RB1: variants seen among roughly 807,000 people sequenced by gnomAD.
RB1 encodes the protein retinoblastoma-associated protein.
Under a neutral mutation model 135.4 loss-of-function variants are expected in RB1, and 18 were observed. The ratio of observed to expected loss-of-function variants is 0.13; its 90% CI spans 0.09 to 0.20. The LOEUF is 0.20. RB1 is among the 10% of genes least tolerant of loss of function. The pLI is 1.00. For synonymous variants in RB1, 365 were observed against 373.2 expected, an observed-to-expected ratio of 0.98 and a Z score of 0.25; for missense variants, 868 against 1,110.0, an observed-to-expected ratio of 0.78 and a Z score of 3.10.
intron 17 of RB1, among the ~76,000 whole-genome samples, chr13:48,452,491 C>T (rs1312894543): frequency 6.6e-6 from 1 of 151,988 alleles, no homozygotes; most frequent in African/African-American, 2.4e-5. Context: ...TAAAATTATT[C>T]ATAATAATTC....
At chr13:48,459,624 G>A in intron 19 of RB1, 64 bp from the exon 20 acceptor site, 7 of 1,563,490 alleles carry the variant, frequency 4.5e-6, no homozygotes, top group Non-Finnish European at 6.2e-6. Flanking sequence ...TTCATGATTT[G>A]AAAAAAATCT....
intron 17 of RB1, among the ~76,000 whole-genome samples, chr13:48,435,187 G>A (rs1196277240): frequency 6.6e-6 from 1 of 152,156 alleles, no homozygotes; most frequent in Non-Finnish European, 1.5e-5. Flanking sequence ...AGCAATATAC[G>A]AGTGAGTGAT....
At chr13:48,420,124 C>T (rs1393462679) in intron 17 of RB1, among the ~76,000 whole-genome samples, 6 of 152,198 alleles carry the variant, frequency 3.9e-5, no homozygotes, top group East Asian at 1.9e-4. Flanking sequence ...TGAATATCGA[C>T]GTGAAAACCC....
At chr13:48,382,972 T>C (rs998488315) in intron 17 of RB1, among the ~76,000 whole-genome samples, 4 of 152,168 alleles carry the variant, frequency 2.6e-5, no homozygotes, top group African/African-American at 4.8e-5. Flanking sequence ...CATTTCTTGT[T>C]TTTGTCAGGT....
intron 17 of RB1, among the ~76,000 whole-genome samples, chr13:48,386,712 C>T (rs1948573962): frequency 6.6e-6 from 1 of 152,146 alleles, no homozygotes; most frequent in African/African-American, 2.4e-5. Flanking sequence ...GTATCCACCA[C>T]TGAAAGCTTG....
intron 2 of RB1, among the ~76,000 whole-genome samples, chr13:48,338,122 C>T (rs2138077286): frequency 6.6e-6 from 1 of 152,302 alleles, no homozygotes; most frequent in Admixed American, 6.5e-5. Flanking sequence ...TTTTTTCCTT[C>T]ATTTCAACTT....
chr13:48,316,719 TCACACACA>T (rs60176662), intron 2 of RB1: 3,853 of 107,426 alleles, frequency 0.036, 106 homozygotes, highest in East Asian at 0.062. Flanking sequence ...CACAGAACCA[TCACACACA>T]CACACACACA....
At chr13:48,328,229 C>T in intron 2 of RB1, 2 of 1,451,126 alleles carry the variant, frequency 1.4e-6, no homozygotes, top group South Asian at 2.3e-5. Context: ...TCATCCTCAT[C>T]TTTGCTTCTG....
intron 24 of RB1, among the ~76,000 whole-genome samples, chr13:48,475,662 C>A (rs1250478637): frequency 2.0e-5 from 3 of 152,174 alleles, no homozygotes; most frequent in African/African-American, 7.2e-5. Flanking sequence ...AACAGTAGAT[C>A]TAGCCCACAC....
At chr13:48,348,362 T>G (rs186277587) in intron 5 of RB1, among the ~76,000 whole-genome samples, 197 of 151,992 alleles carry the variant, frequency 1.3e-3, no homozygotes, top group African/African-American at 4.3e-3. Context: ...TGGAGTAGTA[T>G]TGAAGATAAT....
intron 2 of RB1, among the ~76,000 whole-genome samples, chr13:48,332,233 G>A (rs1402628159): frequency 6.6e-6 from 1 of 152,208 alleles, no homozygotes; most frequent in Non-Finnish European, 1.5e-5. Flanking sequence ...AGCCTGGGGA[G>A]AATGTGGAGA....
chr13:48,318,028 G>A (rs1952201045), intron 2 of RB1: 5 of 510,368 alleles, frequency 9.8e-6, no homozygotes, highest in Non-Finnish European at 1.1e-5. Flanking sequence ...ACAGGGAGCC[G>A]GGGCTGGGAG....
chr13:48,478,089 A>G (rs1167920761), intron 26 of RB1, among the ~76,000 whole-genome samples: 2 of 152,204 alleles, frequency 1.3e-5, no homozygotes, highest in African/African-American at 4.8e-5. Flanking sequence ...AACATTTCCC[A>G]GTATCTGCTG....
At chr13:48,360,323 A>G in intron 7 of RB1, 196 bp downstream of exon 7, 1 of 1,256,406 alleles carries the variant, frequency 8.0e-7, no homozygotes, top group Non-Finnish European at 1.0e-6. Context: ...TATGGTAGAA[A>G]GTGGTTTGGG....
chr13:48,446,479 A>G (rs1258700291), intron 17 of RB1, among the ~76,000 whole-genome samples: 5 of 152,216 alleles, frequency 3.3e-5, no homozygotes, highest in Admixed American at 6.5e-5. Context: ...GAGATAATAA[A>G]TAAGAAAATA....
intron 17 of RB1, among the ~76,000 whole-genome samples, chr13:48,433,666 C>A (rs985061545): frequency 7.5e-6 from 1 of 133,440 alleles, no homozygotes. Context: ...ATTTGTTTTA[C>A]TGTTAACAAA....
At chr13:48,416,407 C>CG (rs1193399962) in intron 17 of RB1, 2 of 152,208 alleles carry the variant, frequency 1.3e-5, no homozygotes, top group African/African-American at 4.8e-5. Context: ...GGCCCAGACT[C>CG]TATGCCTTTT....
At chr13:48,435,310 A>G (rs1949172095) in intron 17 of RB1, among the ~76,000 whole-genome samples, 1 of 152,180 alleles carries the variant, frequency 6.6e-6, no homozygotes, top group Admixed American at 6.5e-5. Flanking sequence ...TCCCATCAGG[A>G]TGATAGCTAA....
chr13:48,364,822 A>G (rs1227029268), intron 8 of RB1, 72 bp from the exon 9 acceptor site: 2 of 1,506,348 alleles, frequency 1.3e-6, no homozygotes, highest in Non-Finnish European at 1.8e-6. Context: ...CTTACCCTGC[A>G]TTGTTCAAGA....
Sources: allele counts gnomAD v4.1 joint callset (sites outside exome capture counted in the v4.1 genomes callset), GRCh38; gene constraint gnomAD v4.1.1; transcripts MANE v1.5; gene names NCBI Gene and HGNC (gene_info 2026-07-23, HGNC 2026-07-21).